Variants in ZNF362 observed in about 807,000 individuals in gnomAD.
ZNF362 encodes the protein zinc finger protein 362, also known as rotund homolog.
Under a neutral mutation model 42.9 loss-of-function variants are expected in ZNF362, and 11 were observed. The ratio of observed to expected loss-of-function variants is 0.26; its 90% CI spans 0.16 to 0.42. The LOEUF is 0.42. ZNF362 is among the 20% of genes least tolerant of loss of function. The pLI, the probability that ZNF362 is intolerant of heterozygous loss-of-function variation, is 1.00. For synonymous variants in ZNF362, 255 were observed against 257.3 expected, an observed-to-expected ratio of 0.99 and a Z score of 0.09; for missense variants, 362 against 576.2, an observed-to-expected ratio of 0.63 and a Z score of 3.81.
chr1:33,248,146 T>C, the ZNF362 span, among the ~76,000 whole-genome samples: 1 of 152,218 alleles, frequency 6.6e-6, no homozygotes, highest in Non-Finnish European at 1.5e-5. Context: ...GCACTAATGC[T>C]CTTGCCTTAT....
chr1:33,182,902 G>A, the ZNF362 span, among the ~76,000 whole-genome samples: 1 of 152,116 alleles, frequency 6.6e-6, no homozygotes, highest in Non-Finnish European at 1.5e-5. Context: ...TTTCAGGCAA[G>A]GGAATGACCT....
At chr1:33,231,468 C>T in the ZNF362 span, among the ~76,000 whole-genome samples, 1 of 152,190 alleles carries the variant, frequency 6.6e-6, no homozygotes, top group Non-Finnish European at 1.5e-5. Context: ...CAAAGTTGCA[C>T]AGCCAGTAAG....
At chr1:33,168,975 A>T in the ZNF362 span, among the ~76,000 whole-genome samples, 2 of 151,690 alleles carry the variant, frequency 1.3e-5, no homozygotes, top group East Asian at 3.9e-4. Flanking sequence ...CTGATTTTGC[A>T]GTCAGGGAAT....
At chr1:33,284,304 T>A (rs1233578318) in intron 6 of ZNF362, among the ~76,000 whole-genome samples, 1 of 152,234 alleles carries the variant, frequency 6.6e-6, no homozygotes, top group Non-Finnish European at 1.5e-5. Flanking sequence ...CTCTCAGGCT[T>A]GTCATGCCTA....
chr1:33,162,667 C>A, the ZNF362 span, among the ~76,000 whole-genome samples: 6 of 152,146 alleles, frequency 3.9e-5, no homozygotes, highest in African/African-American at 1.4e-4. Flanking sequence ...TTCAATGTCT[C>A]AAGGACGAGA....
the ZNF362 span, chr1:33,163,005 T>C: frequency 5.9e-5 from 9 of 152,230 alleles, no homozygotes; most frequent in African/African-American, 2.2e-4. Context: ...GGGACGATTT[T>C]TTTTCTTTCC....
Position 33,280,083 on chromosome 1 carries a change from C to T in ZNF362, c.350-41C>T. On this transcript the variant is annotated intron_variant, in intron 4 of 8. Coordinates refer to ENST00000539719, the MANE Select transcript of ZNF362 (RefSeq NM_152493.3). The surrounding 1 kb of genome is among the most constrained non-coding windows in gnomAD (Gnocchi z 5.6). The stretch of plus-strand genomic sequence containing the variant: ...GGGTGGGCAGCTGAGCTGGCCTCTG[C>T]AGCTCCGCTCACCCCTGCCCCCACC... The T allele has an allele frequency of 6.6e-7, 1 of 1,521,192 alleles. No homozygotes were observed. The highest frequency in any genetic ancestry group is 1.3e-5 in the South Asian group (1 of 78,142). 94.2% of individuals were successfully genotyped at this position (1,521,192 alleles called of 1,614,324 possible).
chr1:33,159,747 C>T, the ZNF362 span: 3,896 of 1,613,310 alleles, frequency 2.4e-3, 85 homozygotes, highest in African/African-American at 0.046. The surrounding 1 kb of genome is among the most constrained non-coding windows in gnomAD (Gnocchi z 4.2). Context: ...CAGCCAGCCG[C>T]TCCTGCAGGA....
At chr1:33,252,105 C>T (rs2148047470), upstream of ZNF362, among the ~76,000 whole-genome samples, 1 of 152,346 alleles carries the variant, frequency 6.6e-6, no homozygotes, top group Middle Eastern at 3.4e-3. Context: ...GTAATCCCAG[C>T]ACTTTGGGAG....
At chr1:33,226,049 TG>T in the ZNF362 span, among the ~76,000 whole-genome samples, 7 of 151,890 alleles carry the variant, frequency 4.6e-5, 1 homozygote, top group Non-Finnish European at 1.0e-4. Flanking sequence ...TTGTCTACTG[TG>T]GTGGGAGGGT....
the ZNF362 span, among the ~76,000 whole-genome samples, chr1:33,148,733 AAG>A: frequency 6.6e-6 from 1 of 152,260 alleles, no homozygotes; most frequent in Non-Finnish European, 1.5e-5. Context: ...AAATTATAAA[AAG>A]GTTATATTAT....
chr1:33,221,626 G>A, the ZNF362 span, among the ~76,000 whole-genome samples: 1 of 152,200 alleles, frequency 6.6e-6, no homozygotes, highest in Non-Finnish European at 1.5e-5. Context: ...ATAAGTCTCA[G>A]AGAGGTTAAG....
chr1:33,211,223 G>A, the ZNF362 span, among the ~76,000 whole-genome samples: 122 of 152,206 alleles, frequency 8.0e-4, 1 homozygote, highest in African/African-American at 2.7e-3. Context: ...GTGAGCCACC[G>A]CGCCAGGCCT....
the ZNF362 span, among the ~76,000 whole-genome samples, chr1:33,172,573 T>G: frequency 6.6e-6 from 1 of 151,482 alleles, no homozygotes; most frequent in Non-Finnish European, 1.5e-5. Context: ...CAGGATGAGG[T>G]GAGTGGGGAG....
At chr1:33,291,823 CTT>C (rs1646080433) in intron 6 of ZNF362, among the ~76,000 whole-genome samples, 1 of 152,166 alleles carries the variant, frequency 6.6e-6, no homozygotes, top group Non-Finnish European at 1.5e-5. Context: ...ATTTTATTCT[CTT>C]TGAAGCAATT....
chr1:33,286,828 T>A (rs932304647), intron 6 of ZNF362, among the ~76,000 whole-genome samples: 2 of 152,164 alleles, frequency 1.3e-5, no homozygotes, highest in African/African-American at 4.8e-5. Flanking sequence ...TCAGATCATA[T>A]AATCAAATCC....
the ZNF362 span, chr1:33,180,894 C>G: frequency 1.6e-6 from 1 of 640,640 alleles, no homozygotes; most frequent in South Asian, 2.0e-5. Flanking sequence ...AGGGCCCTGA[C>G]CTTGCTGGCG....
intron 6 of ZNF362, among the ~76,000 whole-genome samples, chr1:33,286,677 GC>G (rs1318022990): frequency 6.6e-6 from 1 of 152,140 alleles, no homozygotes; most frequent in Non-Finnish European, 1.5e-5. Flanking sequence ...TGTCCCACAT[GC>G]CCAGAACTCC....
chr1:33,236,729 G>A, the ZNF362 span, among the ~76,000 whole-genome samples: 2 of 150,668 alleles, frequency 1.3e-5, no homozygotes, highest in African/African-American at 4.9e-5. Flanking sequence ...AGTACATGAG[G>A]TGACCGATTT....
Sources: gnomAD v4.1 joint callset for allele counts (sites outside exome capture counted in the v4.1 genomes callset) on GRCh38, gnomAD v4.1.1 for gene constraint, Gnocchi (gnomAD v3.1) non-coding constraint, MANE v1.5 for transcripts, NCBI Gene and HGNC (gene_info 2026-07-23, HGNC 2026-07-21) for gene names.